The following SEMA6D variants were observed in gnomAD, a reference collection of about 807,000 sequenced individuals.
SEMA6D encodes semaphorin-6D.
A neutral mutation model predicts 106.6 loss-of-function variants in SEMA6D; 35 were observed. The ratio of observed to expected loss-of-function variants is 0.33; its 90% CI spans 0.25 to 0.44. SEMA6D has a LOEUF of 0.44. SEMA6D is among the 20% of genes least tolerant of loss of function. The pLI, the probability that SEMA6D is intolerant of heterozygous loss-of-function variation, is 1.00. For missense variants in SEMA6D, 1,185 were observed against 1,345.9 expected (o/e 0.88, Z 1.87); for synonymous variants, 499 against 487.7 (o/e 1.02, Z -0.31).
chr15:47,603,218 G>A (rs1443518040), intron 4 of SEMA6D, among the ~76,000 whole-genome samples: 4 of 152,082 alleles, frequency 2.6e-5, no homozygotes, highest in Admixed American at 6.5e-5. Flanking sequence ...TTAGTCACCC[G>A]TGACTCACCA....
intron 1 of SEMA6D, among the ~76,000 whole-genome samples, chr15:47,340,473 A>T (rs1430223349): frequency 6.6e-6 from 1 of 152,228 alleles, no homozygotes; most frequent in Admixed American, 6.5e-5. Context: ...ATGGATCGTT[A>T]TCTACAGTCT....
chr15:47,299,070 A>T (rs1242946589), intron 1 of SEMA6D, among the ~76,000 whole-genome samples: 1 of 152,210 alleles, frequency 6.6e-6, no homozygotes, highest in African/African-American at 2.4e-5. Context: ...GGATGTAAGC[A>T]GAAGGTGCAG....
At chr15:47,643,956 A>C (rs929880539) in intron 4 of SEMA6D, among the ~76,000 whole-genome samples, 5 of 151,900 alleles carry the variant, frequency 3.3e-5, no homozygotes, top group African/African-American at 4.8e-5. Context: ...CTACTTCTCT[A>C]CTTCTATGGG....
rs1555428920 is a variant in SEMA6D, at chr15:47,367,678, A to ACGTGCGCGCG, written c.-238-44713_-238-44712insTGCGCGCGCG. 9.4e-4 allele frequency among the ~76,000 whole-genome samples: 130 copies of ACGTGCGCGCG among 137,606 alleles called. No homozygotes were observed. In the East Asian group the frequency reaches 1.0e-2, roughly 11 times the overall value. The allele number at this position is 137,606 out of a possible 152,430, so 90.3% of individuals were successfully genotyped here. On this transcript the variant is annotated intron_variant, in intron 1 of 19. Transcript: ENST00000558014. The stretch of plus-strand genomic sequence containing the variant: ...CCTTCCCCTAAACACGCACGCTCAC[A>ACGTGCGCGCG]CGCGCGCGCGCGCGCACACACACAC...
At chr15:47,544,332 AATACTC>A (rs1478015403) in intron 3 of SEMA6D, among the ~76,000 whole-genome samples, 4 of 152,132 alleles carry the variant, frequency 2.6e-5, no homozygotes, top group African/African-American at 9.7e-5. Context: ...GGTTAACACT[AATACTC>A]TTGTTAGAAT....
At chr15:47,294,831 A>G (rs1285403100) in intron 1 of SEMA6D, among the ~76,000 whole-genome samples, 1 of 152,184 alleles carries the variant, frequency 6.6e-6, no homozygotes. Context: ...CTTTTCAGCT[A>G]TTGGCCAACA....
chr15:47,256,596 C>A (rs1156744811), intron 1 of SEMA6D, among the ~76,000 whole-genome samples: 1 of 152,158 alleles, frequency 6.6e-6, no homozygotes, highest in Non-Finnish European at 1.5e-5. Flanking sequence ...TGTGGTGGCT[C>A]ACACCTGTAA....
intron 1 of SEMA6D, among the ~76,000 whole-genome samples, chr15:47,395,975 T>G (rs1438680086): frequency 1.3e-5 from 2 of 152,106 alleles, no homozygotes; most frequent in East Asian, 3.9e-4. Context: ...GTAATAAGAA[T>G]CAGATGATGT....
chr15:47,576,968 A>G (rs1394250425), intron 3 of SEMA6D, among the ~76,000 whole-genome samples: 1 of 152,344 alleles, frequency 6.6e-6, no homozygotes, highest in Non-Finnish European at 1.5e-5. Context: ...ACTTATGCAC[A>G]CATGGAATGC....
chr15:47,490,359 A>C (rs2043435143), intron 3 of SEMA6D, among the ~76,000 whole-genome samples: 2 of 152,112 alleles, frequency 1.3e-5, no homozygotes. Context: ...CTTTGAAGAA[A>C]TTACATCCAG....
chr15:47,637,200 A>C (rs2077404854), intron 4 of SEMA6D, among the ~76,000 whole-genome samples: 1 of 152,210 alleles, frequency 6.6e-6, no homozygotes, highest in Non-Finnish European at 1.5e-5. Context: ...GCTTATTGTT[A>C]CTGGAACACG....
At chr15:47,554,126 A>G (rs2045848145) in intron 3 of SEMA6D, among the ~76,000 whole-genome samples, 1 of 152,204 alleles carries the variant, frequency 6.6e-6, no homozygotes, top group African/African-American at 2.4e-5. Context: ...ACACTCTCTG[A>G]TAAGAAAGTT....
intron 1 of SEMA6D, among the ~76,000 whole-genome samples, chr15:47,735,853 A>G (rs1426424796): frequency 6.6e-6 from 1 of 152,220 alleles, no homozygotes; most frequent in Non-Finnish European, 1.5e-5. Flanking sequence ...CAAACCTATG[A>G]TGCTTAGTTG....
chr15:47,464,680 C>T (rs1184149905), intron 2 of SEMA6D, among the ~76,000 whole-genome samples: 4 of 152,096 alleles, frequency 2.6e-5, no homozygotes, highest in Non-Finnish European at 2.9e-5. Context: ...TATTTATAGT[C>T]CTCCATGTGC....
chr15:47,321,677 T>C (rs902560570), intron 1 of SEMA6D, among the ~76,000 whole-genome samples: 5 of 152,232 alleles, frequency 3.3e-5, no homozygotes, highest in African/African-American at 7.2e-5. Flanking sequence ...TAAGGAGATA[T>C]AAGCATGTAT....
chr15:47,302,917 T>C (rs2142996448), intron 1 of SEMA6D, among the ~76,000 whole-genome samples: 1 of 152,262 alleles, frequency 6.6e-6, no homozygotes, highest in African/African-American at 2.4e-5. Context: ...TAATTTATTA[T>C]AGCAGCCACA....
intron 1 of SEMA6D, among the ~76,000 whole-genome samples, chr15:47,293,993 C>A (rs2061057): frequency 3.9e-4 from 60 of 152,284 alleles, no homozygotes; most frequent in African/African-American, 1.4e-3. Flanking sequence ...CAGTGCTTGC[C>A]GGCCAAATGC....
chr15:47,234,836 T>C (rs2032439295), intron 1 of SEMA6D, among the ~76,000 whole-genome samples: 1 of 152,128 alleles, frequency 6.6e-6, no homozygotes, highest in Non-Finnish European at 1.5e-5. Context: ...TTTGATATAA[T>C]GATTTATTTT....
At chr15:47,248,514 T>G (rs1230845722) in intron 1 of SEMA6D, among the ~76,000 whole-genome samples, 1 of 152,206 alleles carries the variant, frequency 6.6e-6, no homozygotes, top group African/African-American at 2.4e-5. Flanking sequence ...ATGATTACAT[T>G]AAATTACACA....
Sources: allele counts gnomAD v4.1 joint callset (sites outside exome capture counted in the v4.1 genomes callset), GRCh38; gene constraint gnomAD v4.1.1; transcripts MANE v1.5; gene names NCBI Gene and HGNC (gene_info 2026-07-23, HGNC 2026-07-21).